Variants in AK7 observed in about 807,000 individuals in gnomAD.
AK7 encodes adenylate kinase 7.
In AK7, 78 loss-of-function variants were observed where a neutral mutation model predicts 96.6. That is an observed-to-expected ratio of 0.81 (90% CI 0.67 to 0.97). The LOEUF (loss-of-function observed/expected upper bound fraction) is 0.97, where lower values mean the gene tolerates loss of function less well. Among genes scored for constraint, AK7 ranks in the 50% least tolerant of loss-of-function variants. The pLI, the probability that AK7 is intolerant of heterozygous loss-of-function variation, is 0.00. For synonymous variants in AK7, 302 were observed against 317.2 expected (o/e 0.95, Z 0.51); for missense variants, 855 against 887.9 (o/e 0.96, Z 0.47).
At chr14:96,466,007 C>G (rs1288131469) in intron 12 of AK7, among the ~76,000 whole-genome samples, 5 of 82,752 alleles carry the variant, frequency 6.0e-5, no homozygotes, top group African/African-American at 1.3e-4. Context: ...AAGACTCCAT[C>G]TCAAAAAAAA....
At chr14:96,415,026 A>T (rs185259361) in intron 4 of AK7, among the ~76,000 whole-genome samples, 4 of 152,146 alleles carry the variant, frequency 2.6e-5, no homozygotes, top group Admixed American at 2.6e-4. Flanking sequence ...AAGTACTGGG[A>T]TTACAGGTGT....
At chr14:96,458,912 CAAAAAAAAAAAA>C (rs780061684) in intron 12 of AK7, among the ~76,000 whole-genome samples, 2 of 23,518 alleles carry the variant, frequency 8.5e-5, no homozygotes, top group African/African-American at 2.0e-4. Flanking sequence ...CCTGTCTCAA[CAAAAAAAAAAAA>C]AAAAAAAAAA....
intron 1 of AK7, among the ~76,000 whole-genome samples, chr14:96,392,569 A>G (rs990350115): frequency 5.9e-5 from 9 of 152,248 alleles, no homozygotes; most frequent in African/African-American, 1.9e-4. Flanking sequence ...AGTTGAGGCC[A>G]GAACCTGGAC....
intron 10 of AK7, among the ~76,000 whole-genome samples, chr14:96,453,816 A>G (rs1424736034): frequency 1.3e-5 from 2 of 152,172 alleles, no homozygotes; most frequent in Non-Finnish European, 2.9e-5. Context: ...TGCCAGGAGA[A>G]AGGACCCACC....
At chr14:96,411,331 G>A (rs1891015412) in intron 4 of AK7, among the ~76,000 whole-genome samples, 1 of 152,112 alleles carries the variant, frequency 6.6e-6, no homozygotes, top group East Asian at 1.9e-4. Context: ...TCAACATGGT[G>A]AAACCCCATC....
At chr14:96,434,602 T>C (rs1161091557) in intron 5 of AK7, among the ~76,000 whole-genome samples, 1 of 148,948 alleles carries the variant, frequency 6.7e-6, no homozygotes, top group Non-Finnish European at 1.5e-5. Flanking sequence ...GGTTACTGCC[T>C]GTGTTCACTC....
rs1895033302 is a variant in AK7 at position 96,473,779 on chromosome 14, TCATGTAGC to T, written c.1555+1026_1555+1033del. Reference sequence around the variant, plus strand: ...TCTGCTGATGGCTTGACTTCGTGAGTCATGTAGCCTCCTTCCCTGCCCTGGTTTTGGTG... The same window carrying T: ...TCTGCTGATGGCTTGACTTCGTGAGTCTCCTTCCCTGCCCTGGTTTTGGTG... On this transcript the variant is annotated intron_variant, in intron 14 of 17. Coordinates refer to ENST00000267584, the MANE Select transcript of AK7 (RefSeq NM_152327.5). 4.6e-5 allele frequency among the ~76,000 whole-genome samples: 7 copies of T among 152,200 alleles called. No individual in the cohort carries two copies. In the South Asian group the frequency reaches 1.5e-3, roughly 32 times the overall value.
chr14:96,471,747 G>A (rs1894903550), intron 13 of AK7, 141 bp downstream of exon 13: 2 of 724,118 alleles, frequency 2.8e-6, no homozygotes, highest in Non-Finnish European at 2.0e-6. Context: ...CTTTCTTTAC[G>A]TAGCTTTTTT....
intron 5 of AK7, among the ~76,000 whole-genome samples, chr14:96,430,470 G>A (rs147067123): frequency 6.1e-4 from 93 of 152,192 alleles, no homozygotes; most frequent in Non-Finnish European, 7.9e-4. Context: ...TTACAGGTGT[G>A]AGCCACCACG....
intron 5 of AK7, among the ~76,000 whole-genome samples, chr14:96,422,791 T>C (rs1049256213): frequency 6.6e-6 from 1 of 152,226 alleles, no homozygotes; most frequent in African/African-American, 2.4e-5. Flanking sequence ...GGTCGCCCTA[T>C]AGCAGCAAAA....
At chr14:96,429,115 T>C (rs1892197477) in intron 5 of AK7, among the ~76,000 whole-genome samples, 2 of 152,258 alleles carry the variant, frequency 1.3e-5, no homozygotes, top group African/African-American at 4.8e-5. Context: ...TTTAAGTCTT[T>C]AATTCATTTG....
chr14:96,420,308 C>T (rs1891604607), intron 4 of AK7, among the ~76,000 whole-genome samples: 1 of 150,042 alleles, frequency 6.7e-6, no homozygotes, highest in African/African-American at 2.5e-5. Flanking sequence ...ACCAGCCTGG[C>T]CAACATGGCA....
At chr14:96,446,816 T>C (rs879778129) in intron 8 of AK7, among the ~76,000 whole-genome samples, 1 of 151,932 alleles carries the variant, frequency 6.6e-6, no homozygotes, top group Non-Finnish European at 1.5e-5. Flanking sequence ...GGCGGGTGCC[T>C]GTAATCTCAG....
At chr14:96,443,929 A>G (rs1893093216) in intron 7 of AK7, among the ~76,000 whole-genome samples, 1 of 151,880 alleles carries the variant, frequency 6.6e-6, no homozygotes, top group Admixed American at 6.6e-5. Flanking sequence ...ACCCGCCACC[A>G]TGCCTGGCTA....
At chr14:96,408,700 G>T (rs1890865705) in intron 3 of AK7, 147 bp from the exon 4 acceptor site, 1 of 657,424 alleles carries the variant, frequency 1.5e-6, no homozygotes, top group Non-Finnish European at 2.6e-6. Flanking sequence ...GGAATTTGAA[G>T]AACGGTGATG....
At chr14:96,416,999 T>C (rs898046219) in intron 4 of AK7, among the ~76,000 whole-genome samples, 3 of 152,254 alleles carry the variant, frequency 2.0e-5, no homozygotes, top group African/African-American at 7.2e-5. Context: ...GGTTCTCTTA[T>C]GGTTCACCTC....
At chr14:96,450,372 C>T (rs867254528) in intron 9 of AK7, among the ~76,000 whole-genome samples, 1 of 150,302 alleles carries the variant, frequency 6.7e-6, no homozygotes, top group Non-Finnish European at 1.5e-5. Context: ...GCCTAGATCA[C>T]GTCATTGCAC....
intron 5 of AK7, among the ~76,000 whole-genome samples, chr14:96,421,737 C>G (rs1420894807): frequency 6.6e-6 from 1 of 151,946 alleles, no homozygotes; most frequent in Non-Finnish European, 1.5e-5. Flanking sequence ...TCCCGGGTAG[C>G]TGGGACTACA....
rs980553420 is a variant in AK7, at chr14:96,472,853, G to A, written c.1555+98G>A. 51 of 941,108 alleles carry A rather than the reference G, an allele frequency of 5.4e-5. 1 individual carries two copies. The highest frequency in any genetic ancestry group is 5.4e-4 in the African/African-American group (32 of 59,768). 58.3% of individuals were successfully genotyped at this position (941,108 alleles called of 1,614,324 possible). A position where few individuals can be genotyped will look rare whatever the true frequency, so the allele number is the denominator to read the frequency against. On this transcript the variant is annotated intron_variant, in intron 14 of 17. Transcript: ENST00000267584. ...TCTCAGAACTTTGGGAGGCCAAGGC[G>A]GGTGGATCACCTGAGGTCAGGAGTT...
Sources: allele counts gnomAD v4.1 joint callset (sites outside exome capture counted in the v4.1 genomes callset), GRCh38; gene constraint gnomAD v4.1.1; transcripts MANE v1.5; gene names NCBI Gene and HGNC (gene_info 2026-07-23, HGNC 2026-07-21).